Variants in XRCC4 observed in about 807,000 individuals in gnomAD.
XRCC4 encodes DNA repair protein XRCC4.
A neutral mutation model predicts 39.1 loss-of-function variants in XRCC4; 28 were observed. That is an observed-to-expected ratio of 0.72 (90% CI 0.53 to 0.98). The LOEUF is 0.98. XRCC4 is among the 50% of genes least tolerant of loss of function. The pLI is 0.00. For missense variants in XRCC4, 350 were observed against 376.4 expected (o/e 0.93, Z 0.58); for synonymous variants, 123 against 126.4 (o/e 0.97, Z 0.18).
intron 7 of XRCC4, among the ~76,000 whole-genome samples, chr5:83,291,043 C>T (rs1344155935): frequency 6.6e-6 from 1 of 151,776 alleles, no homozygotes; most frequent in Non-Finnish European, 1.5e-5. Flanking sequence ...GTGAACTTTG[C>T]TGGTATCTTG....
chr5:83,129,188 A>G (rs915219251), intron 3 of XRCC4, among the ~76,000 whole-genome samples: 14 of 144,112 alleles, frequency 9.7e-5, no homozygotes, highest in African/African-American at 3.7e-4. Context: ...TCAGCTTTCT[A>G]CATATGGCTA....
chr5:83,114,802 C>T (rs768403139), intron 3 of XRCC4, among the ~76,000 whole-genome samples: 4 of 152,180 alleles, frequency 2.6e-5, no homozygotes, highest in Admixed American at 1.3e-4. Flanking sequence ...TAGCAGCACT[C>T]CAGTCTACCG....
chr5:83,078,342 A>G (rs940717876), intron 1 of XRCC4, among the ~76,000 whole-genome samples: 1 of 152,268 alleles, frequency 6.6e-6, no homozygotes, highest in African/African-American at 2.4e-5. Flanking sequence ...AAAGTATTAG[A>G]AATGAGAGTT....
At chr5:83,088,117 C>T (rs965557956) in intron 1 of XRCC4, among the ~76,000 whole-genome samples, 2 of 152,090 alleles carry the variant, frequency 1.3e-5, no homozygotes, top group South Asian at 2.1e-4. Flanking sequence ...TTATATTGGT[C>T]CTGTAATTTT....
intron 1 of XRCC4, among the ~76,000 whole-genome samples, chr5:83,095,468 C>T (rs763909447): frequency 6.6e-6 from 1 of 152,154 alleles, no homozygotes; most frequent in Non-Finnish European, 1.5e-5. Flanking sequence ...AGGCTAGGGA[C>T]CACTCTGGTT....
intron 7 of XRCC4, among the ~76,000 whole-genome samples, chr5:83,263,813 G>A (rs1167698308): frequency 2.6e-5 from 4 of 151,270 alleles, no homozygotes; most frequent in South Asian, 4.2e-4. Flanking sequence ...CACTCTGATG[G>A]TAGTTTCTTT....
intron 7 of XRCC4, among the ~76,000 whole-genome samples, chr5:83,259,879 T>C (rs1262670173): frequency 2.6e-5 from 4 of 152,082 alleles, no homozygotes; most frequent in African/African-American, 7.2e-5. Flanking sequence ...AATTCTGTTA[T>C]AGACAATAAG....
chr5:83,325,917 TC>T (rs1335761713), intron 7 of XRCC4, among the ~76,000 whole-genome samples: 1 of 152,124 alleles, frequency 6.6e-6, no homozygotes, highest in African/African-American at 2.4e-5. Flanking sequence ...GAATTTACAC[TC>T]CCACTAACAG....
chr5:83,290,258 A>G (rs1754873976), intron 7 of XRCC4, among the ~76,000 whole-genome samples: 1 of 151,722 alleles, frequency 6.6e-6, no homozygotes, highest in Admixed American at 6.6e-5. Context: ...CGTATTGAAT[A>G]TCTCCTTCAT....
At chr5:83,357,231 AATAGCACAG>A, downstream of XRCC4, among the ~76,000 whole-genome samples, 1 of 152,332 alleles carries the variant, frequency 6.6e-6, no homozygotes, top group East Asian at 1.9e-4. Context: ...TGTGGCAGTG[AATAGCACAG>A]ACAAGTGTCC....
At chr5:83,267,699 G>A (rs1466224152) in intron 7 of XRCC4, among the ~76,000 whole-genome samples, 2 of 152,156 alleles carry the variant, frequency 1.3e-5, no homozygotes, top group African/African-American at 2.4e-5. Flanking sequence ...GGACTGTCGT[G>A]TGAGAAAAAT....
At chr5:83,140,319 A>C (rs1030787990) in intron 3 of XRCC4, among the ~76,000 whole-genome samples, 1 of 152,202 alleles carries the variant, frequency 6.6e-6, no homozygotes, top group Non-Finnish European at 1.5e-5. Context: ...CACCGATGTA[A>C]GTCTAAGAGC....
the XRCC4 span, among the ~76,000 whole-genome samples, chr5:83,362,294 CAAAAAAAAAAA>C: frequency 4.1e-5 from 3 of 73,168 alleles, no homozygotes; most frequent in East Asian, 5.0e-4. Context: ...GCTATTTAGG[CAAAAAAAAAAA>C]AAAAAAAAAA....
At chr5:83,117,091 A>G (rs1018458667) in intron 3 of XRCC4, among the ~76,000 whole-genome samples, 4 of 152,188 alleles carry the variant, frequency 2.6e-5, no homozygotes, top group African/African-American at 4.8e-5. Flanking sequence ...TATAGATAAC[A>G]TAGATCCTTT....
At chr5:83,110,329 A>G (rs1360382635) in intron 2 of XRCC4, among the ~76,000 whole-genome samples, 3 of 152,086 alleles carry the variant, frequency 2.0e-5, no homozygotes, top group Non-Finnish European at 4.4e-5. Context: ...GAAGGGTAGG[A>G]TAAGAACAGG....
intron 3 of XRCC4, among the ~76,000 whole-genome samples, chr5:83,126,046 A>G (rs1747247883): frequency 6.6e-6 from 1 of 151,622 alleles, no homozygotes; most frequent in Admixed American, 6.6e-5. Context: ...ATTCTTTTGA[A>G]AAATTTTATT....
intron 3 of XRCC4, among the ~76,000 whole-genome samples, chr5:83,138,344 A>G (rs1748000904): frequency 6.6e-6 from 1 of 152,100 alleles, no homozygotes; most frequent in Non-Finnish European, 1.5e-5. Context: ...ACCTTTTACT[A>G]TATCTGGAGT....
At chr5:83,278,249 C>T (rs181667036) in intron 7 of XRCC4, among the ~76,000 whole-genome samples, 125 of 152,280 alleles carry the variant, frequency 8.2e-4, no homozygotes, top group Non-Finnish European at 1.1e-3. Context: ...AGTCTTCACT[C>T]CCACTAAATA....
At chr5:83,351,586 T>TTTTTAGATA (rs1450082505) in intron 7 of XRCC4, among the ~76,000 whole-genome samples, 2 of 152,248 alleles carry the variant, frequency 1.3e-5, no homozygotes, top group Non-Finnish European at 2.9e-5. Flanking sequence ...TTGGAATATA[T>TTTTTAGATA]TTTTAGATAT....
Sources: gnomAD v4.1 joint callset for allele counts (sites outside exome capture counted in the v4.1 genomes callset) on GRCh38, gnomAD v4.1.1 for gene constraint, MANE v1.5 for transcripts, NCBI Gene and HGNC (gene_info 2026-07-23, HGNC 2026-07-21) for gene names.